Variants in ZKSCAN5 observed in about 807,000 individuals in gnomAD.
The protein encoded by ZKSCAN5 is zinc finger with KRAB and SCAN domains 5, also known as zinc finger protein with KRAB and SCAN domains 5.
A neutral mutation model predicts 60.0 loss-of-function variants in ZKSCAN5; 28 were observed. The ratio of observed to expected loss-of-function variants is 0.47; its 90% CI spans 0.35 to 0.64. The LOEUF (loss-of-function observed/expected upper bound fraction) is 0.64. Ranked by LOEUF, ZKSCAN5 falls within the 30% of genes least tolerant of loss-of-function variation. ZKSCAN5 has a pLI of 0.01. For synonymous variants in ZKSCAN5, 361 were observed against 371.2 expected, an observed-to-expected ratio of 0.97 and a Z score of 0.31; for missense variants, 881 against 1,034.6, an observed-to-expected ratio of 0.85 and a Z score of 2.04.
chr7:99,530,988 C>T, intron 6 of ZKSCAN5, 120 bp from the exon 7 acceptor site: 1 of 871,010 alleles, frequency 1.1e-6, no homozygotes, highest in Non-Finnish European at 1.7e-6. Flanking sequence ...ACCCAGGAGG[C>T]AGAGGTTGCA....
At chr7:99,524,024 CATGAAAA>C (rs1801660897) in intron 5 of ZKSCAN5, among the ~76,000 whole-genome samples, 1 of 150,948 alleles carries the variant, frequency 6.6e-6, no homozygotes, top group Non-Finnish European at 1.5e-5. Context: ...AAACTCTCCT[CATGAAAA>C]CATCTTGGGA....
Position 99,532,004 on chromosome 7 carries a change from C to T in ZKSCAN5, c.2275C>T (p.His759Tyr). The change falls in exon 7 of 7, where the codon CAC (histidine) becomes TAC (tyrosine). Residue 759 changes from histidine (H) to tyrosine (Y), a missense_variant. This residue lies in a region of ZKSCAN5 where 138 missense variants were observed against 143.8 expected (regional missense o/e 0.96). Coordinates refer to ENST00000326775, the MANE Select transcript of ZKSCAN5 (RefSeq NM_145102.4). ...ICRENVGQCS[H>Y]TKQHQKIYSS... is the part of the protein sequence containing the mutation. The stretch of plus-strand genomic sequence containing the variant: ...TAGAGAAAATGTTGGCCAGTGTTCC[C>T]ACACCAAACAACATCAAAAAATCTA... 6.2e-7 allele frequency: 1 copy of T among 1,614,132 alleles called. No homozygotes were observed. Among genetic ancestry groups the T allele is most frequent in the Non-Finnish European group, 8.5e-7 (1 of 1,180,024 alleles).
intron 6 of ZKSCAN5, among the ~76,000 whole-genome samples, 183 bp downstream of exon 6, chr7:99,526,601 C>A (rs1033088976): frequency 6.6e-6 from 1 of 152,182 alleles, no homozygotes; most frequent in Non-Finnish European, 1.5e-5. Context: ...GTCGCCCAGG[C>A]TGGAGTGCAG....
rs1419315638 is a variant in ZKSCAN5, at chr7:99,532,614, G to A, written c.*365G>A. On this transcript the variant is annotated 3_prime_UTR_variant, in exon 7 of 7. Transcript: ENST00000326775. ...AGTTCAGTAGAAGTAAGCTTTATTTGTAGCTTCTGCCTTGTTTGACGGCGT... is the reference window on the plus strand; with the variant it reads ...AGTTCAGTAGAAGTAAGCTTTATTTATAGCTTCTGCCTTGTTTGACGGCGT... The A allele has an allele frequency of 5.5e-6, 1 of 182,850 alleles. No individual in the cohort carries two copies. The highest frequency in any genetic ancestry group is 1.1e-5 in the Non-Finnish European group (1 of 88,142). 11.3% of individuals were successfully genotyped at this position (182,850 alleles called of 1,614,324 possible). A position where few individuals can be genotyped will look rare whatever the true frequency, so the allele number is the denominator to read the frequency against.
chr7:99,526,158 C>A lies in ZKSCAN5; in HGVS notation c.1118C>A (p.Pro373Gln). 6.2e-7 allele frequency: 1 copy of A among 1,614,198 alleles called. No individual in the cohort carries two copies. Among genetic ancestry groups the A allele is most frequent in the Non-Finnish European group, 8.5e-7 (1 of 1,180,040 alleles). The change falls in exon 6 of 7, where the codon CCG becomes CAG. Residue 373 changes from proline to glutamine, a missense_variant. Pro to Gln is a moderately conservative substitution (Grantham distance 76). Around this residue, in one of 5 missense-constraint regions of ZKSCAN5, gnomAD observed 490 missense variants for 554.5 expected, o/e 0.88. Transcript: ENST00000326775. ...QHRRIHTGEK[P>Q]FKCGECGKSY... is the part of the protein sequence containing the mutation. ...CGGCGCATCCACACTGGAGAAAAAC[C>A]GTTTAAGTGCGGAGAATGTGGGAAG...
At chr7:99,515,825 C>G (rs1301376281) in intron 3 of ZKSCAN5, among the ~76,000 whole-genome samples, 2 of 147,300 alleles carry the variant, frequency 1.4e-5, no homozygotes, top group Admixed American at 6.8e-5. Flanking sequence ...CAAAGCAAGA[C>G]TCCATCTCAA....
chr7:99,525,994 A>C lies in ZKSCAN5; in HGVS notation c.954A>C (p.Ser318=). ...AGGTCAACCCCACTGTGGGGAAATCAAGGCAGAATCCTTCCCAGAAAAGGG... is the reference window on the plus strand; with the variant it reads ...AGGTCAACCCCACTGTGGGGAAATCCAGGCAGAATCCTTCCCAGAAAAGGG... The part of the protein sequence containing the change: ...RWQVNPTVGK[S]RQNPSQKRDL... Residue 318 remains serine (S), a synonymous_variant, in exon 6 of 7, where the codon TCA becomes TCC. Transcript: ENST00000326775. The C allele has an allele frequency of 6.2e-7, 1 of 1,614,144 alleles. No individual in the cohort carries two copies. The highest frequency in any genetic ancestry group is 8.5e-7 in the Non-Finnish European group (1 of 1,180,036).
Position 99,526,244 on chromosome 7 carries a change from T to C in ZKSCAN5, c.1204T>C (p.Tyr402His). Residue 402 changes from tyrosine to histidine, a missense_variant, in exon 6 of 7, where the codon TAC (tyrosine) becomes CAC (histidine). By Grantham distance (83) the Tyr-to-His change is moderately conservative. Coordinates refer to ENST00000326775, the MANE Select transcript of ZKSCAN5 (RefSeq NM_145102.4). ...GCGCGTCCACACAGGGGAGAAACCCTACAAATGTCAGGTGTGCGGAAAGGC... is the reference window on the plus strand; with the variant it reads ...GCGCGTCCACACAGGGGAGAAACCCCACAAATGTCAGGTGTGCGGAAAGGC... ...HQRVHTGEKP[Y>H]KCQVCGKAFR... 1 of 1,614,130 alleles carries C rather than the reference T, an allele frequency of 6.2e-7. No homozygotes were observed. The highest frequency in any genetic ancestry group is 8.5e-7 in the Non-Finnish European group (1 of 1,180,018).
At chr7:99,506,659 T>C (rs1180997268) in intron 2 of ZKSCAN5, among the ~76,000 whole-genome samples, 1 of 152,196 alleles carries the variant, frequency 6.6e-6, no homozygotes, top group African/African-American at 2.4e-5. Flanking sequence ...TGCGATCTTA[T>C]TTATTTTTTA....
chr7:99,529,127 A>G (rs1227273943), intron 6 of ZKSCAN5, among the ~76,000 whole-genome samples: 1 of 151,810 alleles, frequency 6.6e-6, no homozygotes, highest in Non-Finnish European at 1.5e-5. Flanking sequence ...CTCACCACCC[A>G]GTTATGTATT....
intron 3 of ZKSCAN5, among the ~76,000 whole-genome samples, chr7:99,514,808 G>C (rs1342233811): frequency 6.6e-6 from 1 of 152,074 alleles, no homozygotes; most frequent in Non-Finnish European, 1.5e-5. Context: ...CTACTCAGGA[G>C]GCTGAGTCAG....
chr7:99,514,349 G>C (rs192100298), intron 3 of ZKSCAN5, among the ~76,000 whole-genome samples: 44 of 152,228 alleles, frequency 2.9e-4, no homozygotes, highest in Non-Finnish European at 5.4e-4. Context: ...CTGTCTTTCT[G>C]TGTCATCTAC....
rs2151120608 is a variant in ZKSCAN5 at position 99,531,974 on chromosome 7, A to G, written c.2245A>G (p.Ile749Val). The change falls in exon 7 of 7, where the codon ATA becomes GTA. Residue 749 changes from isoleucine (I) to valine (V), a missense_variant. By Grantham distance (29) the Ile-to-Val change is conservative (BLOSUM62 3). Around this residue, in one of 5 missense-constraint regions of ZKSCAN5, gnomAD observed 138 missense variants for 143.8 expected, o/e 0.96. Coordinates refer to ENST00000326775, the MANE Select transcript of ZKSCAN5 (RefSeq NM_145102.4). Reference protein sequence around the residue: ...HTAEKPYQCDICRENVGQCSH... With the variant: ...HTAEKPYQCDVCRENVGQCSH... Reference sequence around the variant, plus strand: ...AGCAGAGAAGCCCTATCAATGTGATATATGTAGAGAAAATGTTGGCCAGTG... The same window carrying G: ...AGCAGAGAAGCCCTATCAATGTGATGTATGTAGAGAAAATGTTGGCCAGTG... 6.2e-7 allele frequency: 1 copy of G among 1,614,220 alleles called. No individual in the cohort carries two copies. Among genetic ancestry groups the G allele is most frequent in the South Asian group, 1.1e-5 (1 of 91,084 alleles).
chr7:99,507,539 A>G (rs1297364249), intron 2 of ZKSCAN5, among the ~76,000 whole-genome samples: 3 of 143,854 alleles, frequency 2.1e-5, no homozygotes, highest in African/African-American at 8.2e-5. Context: ...GTGTATATAT[A>G]TATGTATATA....
chr7:99,531,948 C>G lies in ZKSCAN5; in HGVS notation c.2219C>G (p.Thr740Arg), dbSNP rs1180297188. 1.2e-6 allele frequency: 2 copies of G among 1,614,174 alleles called. No homozygotes were observed. The highest frequency in any genetic ancestry group is 2.2e-5 in the East Asian group (1 of 44,886). Residue 740 changes from threonine (T) to arginine (R), a missense_variant, in exon 7 of 7, where the codon ACA (threonine) becomes AGA (arginine). Thr to Arg is a moderately conservative substitution (Grantham distance 71). This residue lies in a region of ZKSCAN5 where 138 missense variants were observed against 143.8 expected (regional missense o/e 0.96). Coordinates refer to ENST00000326775, the MANE Select transcript of ZKSCAN5 (RefSeq NM_145102.4). ...CTCATTCAGCATTACAGAACTCATACAGCAGAGAAGCCCTATCAATGTGAT... is the reference window on the plus strand; with the variant it reads ...CTCATTCAGCATTACAGAACTCATAGAGCAGAGAAGCCCTATCAATGTGAT... ...SDLIQHYRTH[T>R]AEKPYQCDIC...
At chr7:99,512,658 A>G (rs1031943629) in intron 3 of ZKSCAN5, 67 bp downstream of exon 3, 16 of 1,553,572 alleles carry the variant, frequency 1.0e-5, no homozygotes, top group Non-Finnish European at 1.4e-5. Flanking sequence ...TGTGGCAGGC[A>G]CTATCTGCGG....
At chr7:99,508,749 CAAA>C (rs989645444) in intron 2 of ZKSCAN5, among the ~76,000 whole-genome samples, 4 of 114,922 alleles carry the variant, frequency 3.5e-5, no homozygotes, top group Admixed American at 9.1e-5. Context: ...ACTCCCATCT[CAAA>C]AAAAAAAAAA....
At chr7:99,520,001 G>A (rs1801454454) in intron 4 of ZKSCAN5, 92 bp downstream of exon 4, 2 of 1,530,470 alleles carry the variant, frequency 1.3e-6, no homozygotes, top group African/African-American at 2.7e-5. Context: ...GCCCATCTTG[G>A]GTTGGTACCT....
intron 2 of ZKSCAN5, among the ~76,000 whole-genome samples, chr7:99,510,777 C>T (rs187953340): frequency 6.6e-6 from 1 of 151,890 alleles, no homozygotes; most frequent in African/African-American, 2.4e-5. Flanking sequence ...GAATCTTGCT[C>T]TGTCACCCAG....
Sources: gnomAD v4.1 joint callset for allele counts (sites outside exome capture counted in the v4.1 genomes callset) on GRCh38, gnomAD v4.1.1 for gene constraint, gnomAD v4.1.1 regional missense constraint, MANE v1.5 for transcripts, NCBI Gene and HGNC (gene_info 2026-07-23, HGNC 2026-07-21) for gene names.